CAMSAP1: variants seen among roughly 807,000 people sequenced by gnomAD.
CAMSAP1 encodes the protein calmodulin regulated spectrin associated protein 1, also known as calmodulin-regulated spectrin-associated protein 1.
A neutral mutation model predicts 143.5 loss-of-function variants in CAMSAP1; 58 were observed. The observed-to-expected ratio is 0.40, with a 90% CI of 0.33 to 0.50. The LOEUF (loss-of-function observed/expected upper bound fraction) is 0.50. Ranked by LOEUF, CAMSAP1 falls within the 20% of genes least tolerant of loss-of-function variation. The pLI is 0.45. For synonymous variants in CAMSAP1, 945 were observed against 859.3 expected (o/e 1.10, Z -1.74); for missense variants, 1,969 against 2,115.7 (o/e 0.93, Z 1.36).
chr9:135,869,890 A>T (rs539024317), intron 3 of CAMSAP1, among the ~76,000 whole-genome samples: 2 of 152,292 alleles, frequency 1.3e-5, no homozygotes, highest in East Asian at 3.9e-4. Flanking sequence ...ACACAGAAGA[A>T]CCCTGGAAAC....
chr9:135,859,400 T>G (rs189515063), intron 5 of CAMSAP1, among the ~76,000 whole-genome samples: 8 of 152,234 alleles, frequency 5.3e-5, no homozygotes, highest in African/African-American at 1.9e-4. Context: ...CCATTTTGTT[T>G]GTTTGTTTGT....
intron 14 of CAMSAP1, among the ~76,000 whole-genome samples, chr9:135,816,651 G>A (rs1835239668): frequency 6.6e-6 from 1 of 152,202 alleles, no homozygotes; most frequent in African/African-American, 2.4e-5. Flanking sequence ...CAGTCCCTCG[G>A]AGGGATCTGC....
chr9:135,820,696 C>T lies in CAMSAP1; in HGVS notation c.3822+143G>A. 9.2e-7 allele frequency: 1 copy of T among 1,085,702 alleles called. No homozygotes were observed. The highest frequency in any genetic ancestry group is 1.3e-6 in the Non-Finnish European group (1 of 769,666). The allele number at this position is 1,085,702 out of a possible 1,614,324, so 67.3% of individuals were successfully genotyped here. A position where few individuals can be genotyped will look rare whatever the true frequency, so the allele number is the denominator to read the frequency against. ...AGTCCTCGGGACAGAGACTCTGTGG[C>T]CCACAAAGCTAAACACACACATCCC... is the stretch of plus-strand genomic sequence containing the variant. On this transcript the variant is annotated intron_variant, in intron 11 of 16. Coordinates refer to ENST00000389532, the MANE Select transcript of CAMSAP1 (RefSeq NM_015447.4). This position sits in a 1 kb window ranked among gnomAD's most constrained non-coding sequence, Gnocchi z 4.4.
chr9:135,844,539 GA>G (rs1198429574), intron 7 of CAMSAP1, among the ~76,000 whole-genome samples: 1 of 152,136 alleles, frequency 6.6e-6, no homozygotes, highest in African/African-American at 2.4e-5. Context: ...ACAATTGAAA[GA>G]ACCAGAGAAG....
chr9:135,883,534 G>A (rs561214409), intron 1 of CAMSAP1, among the ~76,000 whole-genome samples: 18 of 152,338 alleles, frequency 1.2e-4, no homozygotes, highest in South Asian at 6.2e-4. Context: ...GCATCAGCCC[G>A]GGGAGGGAGC....
chr9:135,903,058 C>T (rs1024551929), intron 1 of CAMSAP1, among the ~76,000 whole-genome samples: 11 of 152,196 alleles, frequency 7.2e-5, no homozygotes, highest in African/African-American at 2.7e-4. Flanking sequence ...GCTTGCTCTC[C>T]ACATTGTCCC....
rs770568653 is a variant in CAMSAP1, at chr9:135,824,766, A to G, written c.1315+23T>C. ...CTATAGTAAGGAGAAATTAAGGAAA[A>G]AAGGAGGAAACAACATTCTTACCAG... is the stretch of plus-strand genomic sequence containing the variant. On this transcript the variant is annotated intron_variant, in intron 9 of 16. Coordinates refer to ENST00000389532, the MANE Select transcript of CAMSAP1 (RefSeq NM_015447.4). The surrounding 1 kb of genome is among the most constrained non-coding windows in gnomAD (Gnocchi z 4.1). 2 of 1,470,200 alleles carry G rather than the reference A, an allele frequency of 1.4e-6. No individual in the cohort carries two copies. The highest frequency in any genetic ancestry group is 1.3e-5 in the South Asian group (1 of 76,644). 91.1% of individuals were successfully genotyped at this position (1,470,200 alleles called of 1,614,324 possible).
intron 7 of CAMSAP1, among the ~76,000 whole-genome samples, chr9:135,840,568 C>T (rs1452889215): frequency 6.6e-6 from 1 of 152,140 alleles, no homozygotes; most frequent in Non-Finnish European, 1.5e-5. Context: ...TGAAGAAAGG[C>T]AGGAGGAAGG....
At chr9:135,864,479 T>C (rs879614850) in intron 4 of CAMSAP1, among the ~76,000 whole-genome samples, 2 of 151,668 alleles carry the variant, frequency 1.3e-5, no homozygotes, top group African/African-American at 2.4e-5. Flanking sequence ...CAAAGGAAAA[T>C]AGGGGCCCAA....
At chr9:135,854,701 G>A (rs1339907129) in intron 5 of CAMSAP1, among the ~76,000 whole-genome samples, 1 of 152,020 alleles carries the variant, frequency 6.6e-6, no homozygotes, top group Non-Finnish European at 1.5e-5. Flanking sequence ...TGATCCCCCC[G>A]CCTCAGCCTC....
At chr9:135,869,675 C>T (rs1837504813) in intron 3 of CAMSAP1, among the ~76,000 whole-genome samples, 1 of 152,106 alleles carries the variant, frequency 6.6e-6, no homozygotes, top group South Asian at 2.1e-4. Flanking sequence ...CCAGCAATTC[C>T]ACCCCAGGTA....
rs1175857293 is a variant in CAMSAP1, at chr9:135,811,308, G to C, written c.*1C>G. ...CCCTTTGGACGCCAGCTGCACCGGG[G>C]TCATTTACGAGTCTGGGCCTTCTTT... On this transcript the variant is annotated 3_prime_UTR_variant, in exon 17 of 17. Coordinates refer to ENST00000389532, the MANE Select transcript of CAMSAP1 (RefSeq NM_015447.4). The surrounding 1 kb of genome is among the most constrained non-coding windows in gnomAD (Gnocchi z 4.9). 4.3e-6 allele frequency: 7 copies of C among 1,611,164 alleles called. No individual in the cohort carries two copies. In the Admixed American group the frequency reaches 1.0e-4, roughly 23 times the overall value.
intron 1 of CAMSAP1, 103 bp from the exon 2 acceptor site, chr9:135,883,181 G>T (rs1838014889): frequency 8.1e-7 from 1 of 1,239,880 alleles, no homozygotes; most frequent in African/African-American, 1.5e-5. Context: ...ACTCCAGCCT[G>T]GGCAACACAG....
chr9:135,874,719 T>C (rs1282276691), intron 3 of CAMSAP1, among the ~76,000 whole-genome samples: 1 of 151,966 alleles, frequency 6.6e-6, no homozygotes, highest in Non-Finnish European at 1.5e-5. Context: ...TATTAAATAG[T>C]AATACAAATG....
chr9:135,828,454 A>G (rs1835750748), intron 7 of CAMSAP1, among the ~76,000 whole-genome samples: 1 of 152,258 alleles, frequency 6.6e-6, no homozygotes, highest in Non-Finnish European at 1.5e-5. Flanking sequence ...AGCCAAGGGC[A>G]CCAAGCTGTG....
intron 7 of CAMSAP1, among the ~76,000 whole-genome samples, chr9:135,833,869 G>A (rs925843171): frequency 6.6e-6 from 1 of 152,226 alleles, no homozygotes; most frequent in African/African-American, 2.4e-5. Flanking sequence ...AACAAAACGA[G>A]ATGGCAGCCT....
At chr9:135,877,402 G>A (rs1837789111) in intron 3 of CAMSAP1, among the ~76,000 whole-genome samples, 1 of 151,270 alleles carries the variant, frequency 6.6e-6, no homozygotes, top group African/African-American at 2.4e-5. Flanking sequence ...ACATTACCTT[G>A]ATTGTGGTGA....
intron 1 of CAMSAP1, among the ~76,000 whole-genome samples, chr9:135,903,183 T>C (rs1214861329): frequency 6.6e-6 from 1 of 152,132 alleles, no homozygotes; most frequent in African/African-American, 2.4e-5. Context: ...TGCGGTAAAA[T>C]AAAGGGAACT....
chr9:135,879,841 C>T (rs1244490588), intron 3 of CAMSAP1, among the ~76,000 whole-genome samples: 1 of 151,796 alleles, frequency 6.6e-6, no homozygotes, highest in Non-Finnish European at 1.5e-5. Flanking sequence ...AGGGGAGTCA[C>T]TGGAACGGCT....
Sources: gnomAD v4.1 joint callset for allele counts (sites outside exome capture counted in the v4.1 genomes callset) on GRCh38, gnomAD v4.1.1 for gene constraint, Gnocchi (gnomAD v3.1) non-coding constraint, MANE v1.5 for transcripts, NCBI Gene and HGNC (gene_info 2026-07-23, HGNC 2026-07-21) for gene names.